The following TRAPPC13 variants were observed in gnomAD, a reference collection of about 807,000 sequenced individuals.
TRAPPC13 encodes the protein trafficking protein particle complex subunit 13.
In TRAPPC13, 39 loss-of-function variants were observed where a neutral mutation model predicts 54.0. The observed-to-expected ratio is 0.72, with a 90% CI of 0.56 to 0.94. The LOEUF is 0.94. TRAPPC13 is among the 40% of genes least tolerant of loss of function. The pLI, the probability that TRAPPC13 is intolerant of heterozygous loss-of-function variation, is 0.00. For synonymous variants in TRAPPC13, 148 were observed against 167.7 expected (o/e 0.88, Z 0.91); for missense variants, 386 against 488.1 (o/e 0.79, Z 1.97).
At chr5:65,661,958 A>G in intron 10 of TRAPPC13, 92 bp from the exon 11 acceptor site, 1 of 783,874 alleles carries the variant, frequency 1.3e-6, no homozygotes, top group Non-Finnish European at 1.9e-6. Context: ...GAAACCCAAC[A>G]GCTGTTGAGT....
intron 1 of TRAPPC13, among the ~76,000 whole-genome samples, chr5:65,634,143 G>A (rs1351720592): frequency 2.8e-5 from 4 of 142,066 alleles, no homozygotes; most frequent in Non-Finnish European, 4.7e-5. Context: ...CCGCCACCAC[G>A]CCCAGCTAAT....
In TRAPPC13 at chr5:65,636,493, T is replaced by C. The variant is rs541464940; in HGVS notation, c.215+450T>C. ...TTATTAAAAAATCATACTATGTGAT[T>C]ATGGCTTTCTGTTATTAAAAAAAAA... On this transcript the variant is annotated intron_variant, in intron 3 of 12. Coordinates refer to ENST00000399438, the MANE Select transcript of TRAPPC13 (RefSeq NM_024941.4). Among the ~76,000 whole-genome samples the C allele has an allele frequency of 7.4e-4, 113 of 152,240 alleles. 1 individual carries two copies. Among genetic ancestry groups the C allele is most frequent in the East Asian group, 5.4e-3 (28 of 5,180 alleles).
At chr5:65,642,383 T>G (rs1002974763) in intron 4 of TRAPPC13, among the ~76,000 whole-genome samples, 1 of 152,166 alleles carries the variant, frequency 6.6e-6, no homozygotes, top group African/African-American at 2.4e-5. Context: ...AGGTTTGGTT[T>G]TTTTCTTGAT....
At chr5:65,653,839 T>G (rs1756560244) in intron 7 of TRAPPC13, among the ~76,000 whole-genome samples, 1 of 152,174 alleles carries the variant, frequency 6.6e-6, no homozygotes, top group Non-Finnish European at 1.5e-5. Context: ...GATAGGTGAG[T>G]TGGAGTAATA....
intron 5 of TRAPPC13, among the ~76,000 whole-genome samples, chr5:65,649,928 C>T (rs933285200): frequency 1.0e-4 from 15 of 150,022 alleles, no homozygotes; most frequent in Admixed American, 4.7e-4. Context: ...GCAATCTCAG[C>T]TCACTGCAAG....
rs567437800 is a variant in TRAPPC13 at position 65,662,286 on chromosome 5, T to C, written c.998+136T>C. ...CTTCTCTGATGTTGATATTGAGTAC[T>C]GTAAAATTCTTCATCTGGTAGCAGT... On this transcript the variant is annotated intron_variant, in intron 11 of 12. Coordinates refer to ENST00000399438, the MANE Select transcript of TRAPPC13 (RefSeq NM_024941.4). 17 of 541,912 alleles carry C rather than the reference T, an allele frequency of 3.1e-5. 1 individual carries two copies. The South Asian group carries it at 4.9e-4, about 16-fold the overall frequency. The allele number at this position is 541,912 out of a possible 1,614,324, so 33.6% of individuals were successfully genotyped here. A position where few individuals can be genotyped will look rare whatever the true frequency, so the allele number is the denominator to read the frequency against.
In TRAPPC13 at chr5:65,664,302, C is replaced by G; in HGVS notation, c.1064C>G (p.Ser355Ter). 6.2e-7 allele frequency: 1 copy of G among 1,613,954 alleles called. No individual in the cohort carries two copies. Among genetic ancestry groups the G allele is most frequent in the Non-Finnish European group, 8.5e-7 (1 of 1,179,868 alleles). The change falls in exon 12 of 13, where the codon TCA (serine) becomes TGA (stop). Residue 355 changes from serine (S) to a stop codon, truncating the protein, a stop_gained. Transcript: ENST00000399438. LOFTEE classifies it high-confidence loss of function. ...NTNSIHWCGI[S>*]GRQLGKLHPS... ...AATTCCATCCACTGGTGTGGAATTT[C>G]AGGAAGACAGCTGGGAAAGCTGCAT...
chr5:65,625,450 C>T (rs1755168754), intron 1 of TRAPPC13: 5 of 297,608 alleles, frequency 1.7e-5, no homozygotes, highest in Non-Finnish European at 2.5e-5. Flanking sequence ...CTTGTTTCTT[C>T]CTGTGGCACT....
chr5:65,629,751 G>A (rs1259735700), intron 1 of TRAPPC13: 1 of 1,535,942 alleles, frequency 6.5e-7, no homozygotes, highest in Non-Finnish European at 8.7e-7. Flanking sequence ...AGACCTAAAA[G>A]ATCACCACCT....
chr5:65,658,439 A>C lies in TRAPPC13; in HGVS notation c.636A>C (p.Ser212=). ...CACCTATGTTTATGGAGAAGGTTTC[A>C]CTGGAGCCATCTATTATGTACAATG... The part of the protein sequence containing the change: ...TTSPMFMEKV[S]LEPSIMYNVT... Residue 212 remains serine (S), a synonymous_variant, in exon 9 of 13, where the codon TCA becomes TCC. Transcript: ENST00000399438. The C allele has an allele frequency of 6.3e-7, 1 of 1,593,346 alleles. No homozygotes were observed. The highest frequency in any genetic ancestry group is 8.6e-7 in the Non-Finnish European group (1 of 1,168,238).
At chr5:65,642,824 C>G (rs951309007) in intron 4 of TRAPPC13, among the ~76,000 whole-genome samples, 1 of 152,176 alleles carries the variant, frequency 6.6e-6, no homozygotes, top group African/African-American at 2.4e-5. Context: ...CCACACCTGG[C>G]TAATTATTTT....
intron 8 of TRAPPC13, among the ~76,000 whole-genome samples, chr5:65,657,784 CT>C (rs1756705173): frequency 6.6e-6 from 1 of 152,172 alleles, no homozygotes; most frequent in African/African-American, 2.4e-5. Flanking sequence ...TCCACATATT[CT>C]TTTTTTAGCC....
chr5:65,648,920 AAC>A (rs1756309145), intron 5 of TRAPPC13, among the ~76,000 whole-genome samples: 4 of 152,134 alleles, frequency 2.6e-5, no homozygotes, highest in Admixed American at 2.6e-4. Context: ...ATTTTTTGGA[AAC>A]ACAGTTTTTG....
chr5:65,665,899 G>C lies in TRAPPC13; in HGVS notation c.*1288G>C, dbSNP rs532913735. 1 of 152,684 alleles carries C rather than the reference G, an allele frequency of 6.5e-6. No individual in the cohort carries two copies. Among genetic ancestry groups the C allele is most frequent in the East Asian group, 1.9e-4 (1 of 5,186 alleles). The allele number at this position is 152,684 out of a possible 1,614,324, so 9.5% of individuals were successfully genotyped here. A position where few individuals can be genotyped will look rare whatever the true frequency, so the allele number is the denominator to read the frequency against. On this transcript the variant is annotated 3_prime_UTR_variant, in exon 13 of 13. Transcript: ENST00000399438. ...AGAATGTATATATAATTTCTTAAATGTAAGAGTGCATTAAATCAAATACAA... is the reference window on the plus strand; with the variant it reads ...AGAATGTATATATAATTTCTTAAATCTAAGAGTGCATTAAATCAAATACAA...
intron 3 of TRAPPC13, among the ~76,000 whole-genome samples, chr5:65,636,285 A>G (rs1168338976): frequency 6.6e-6 from 1 of 151,850 alleles, no homozygotes; most frequent in Non-Finnish European, 1.5e-5. Context: ...CTGGGATTAC[A>G]GGCGTGCGCA....
intron 5 of TRAPPC13, among the ~76,000 whole-genome samples, chr5:65,648,715 A>G (rs1443427130): frequency 6.6e-6 from 1 of 152,168 alleles, no homozygotes; most frequent in East Asian, 1.9e-4. Flanking sequence ...ATAAAGGAGA[A>G]ATTAAATTAC....
intron 4 of TRAPPC13, among the ~76,000 whole-genome samples, chr5:65,642,210 C>T (rs1169853660): frequency 2.6e-5 from 4 of 152,080 alleles, no homozygotes; most frequent in African/African-American, 9.7e-5. Context: ...GTAATCCCAG[C>T]TACTCAGGAG....
intron 1 of TRAPPC13, among the ~76,000 whole-genome samples, chr5:65,632,489 G>T (rs1032946006): frequency 1.2e-4 from 19 of 152,104 alleles, no homozygotes; most frequent in African/African-American, 4.6e-4. Context: ...GACATTCCAG[G>T]TTTATGGCTC....
chr5:65,652,342 T>TTTC (rs1554129864), intron 6 of TRAPPC13, among the ~76,000 whole-genome samples, 159 bp from the exon 7 acceptor site: 1 of 143,318 alleles, frequency 7.0e-6, no homozygotes, highest in Non-Finnish European at 1.5e-5. Flanking sequence ...TTCTTTTCTT[T>TTTC]TTTTTTTTTT....
Sources: allele counts gnomAD v4.1 joint callset (sites outside exome capture counted in the v4.1 genomes callset), GRCh38; gene constraint gnomAD v4.1.1; transcripts MANE v1.5; gene names NCBI Gene and HGNC (gene_info 2026-07-23, HGNC 2026-07-21).